Variants in OPALIN observed in about 807,000 individuals in gnomAD.
OPALIN encodes transmembrane protein 10.
In OPALIN, 15 loss-of-function variants were observed where a neutral mutation model predicts 17.8. That is an observed-to-expected ratio of 0.84 (90% confidence interval 0.56 to 1.29). The LOEUF is 1.29. Among genes scored for constraint, OPALIN ranks in the 50% most tolerant of loss-of-function variants. The pLI, the probability that OPALIN is intolerant of heterozygous loss-of-function variation, is 0.00. For missense variants in OPALIN, 170 were observed against 176.0 expected (o/e 0.97, Z 0.19); for synonymous variants, 62 against 63.8 (o/e 0.97, Z 0.14).
At chr10:96,356,435 C>T (rs1462848389) in intron 1 of OPALIN, among the ~76,000 whole-genome samples, 3 of 152,334 alleles carry the variant, frequency 2.0e-5, no homozygotes, top group South Asian at 2.1e-4. Context: ...TCTCAAAACC[C>T]TCATTTTCCA....
Position 96,348,346 on chromosome 10 carries a change from C to T in OPALIN, c.193-1G>A. 6.8e-7 allele frequency: 1 copy of T among 1,468,052 alleles called. No homozygotes were observed. The highest frequency in any genetic ancestry group is 9.5e-7 in the Non-Finnish European group (1 of 1,055,324). The allele number at this position is 1,468,052 out of a possible 1,614,324, so 90.9% of individuals were successfully genotyped here. A position where few individuals can be genotyped will look rare whatever the true frequency, so the allele number is the denominator to read the frequency against. ...AAATTTCACATGGTCTGTCACTTTC[C>T]TAAATTGGAAAAAATATAATAATAA... On this transcript the variant is annotated splice_acceptor_variant, in intron 4 of 5. Coordinates refer to ENST00000371172, the MANE Select transcript of OPALIN (RefSeq NM_033207.5). LOFTEE classifies it high-confidence loss of function.
At chr10:96,349,673 C>A in intron 4 of OPALIN, 34 bp downstream of exon 4, 1 of 1,602,034 alleles carries the variant, frequency 6.2e-7, no homozygotes, top group South Asian at 1.1e-5. Flanking sequence ...TGGTGGCTGC[C>A]TATACATCTG....
intron 2 of OPALIN, among the ~76,000 whole-genome samples, chr10:96,352,878 G>A (rs1176111528): frequency 6.6e-6 from 1 of 152,154 alleles, no homozygotes; most frequent in Non-Finnish European, 1.5e-5. Flanking sequence ...TCTGATGTTT[G>A]CTTCTCTCTT....
At position 96,345,845 on chromosome 10, in the gene OPALIN, T is replaced by G; in HGVS notation, c.*96A>C. On this transcript the variant is annotated 3_prime_UTR_variant, in exon 6 of 6. Transcript: ENST00000371172. Reference sequence around the variant, plus strand: ...AGCTGTAAATGAAATTTGGATTGATTAAGAAGCAGCTTGGCATCTTTCCTC... The same window carrying G: ...AGCTGTAAATGAAATTTGGATTGATGAAGAAGCAGCTTGGCATCTTTCCTC... The G allele has an allele frequency of 8.1e-7, 1 of 1,242,186 alleles. No homozygotes were observed. The allele number at this position is 1,242,186 out of a possible 1,614,324, so 76.9% of individuals were successfully genotyped here. A position where few individuals can be genotyped will look rare whatever the true frequency, so the allele number is the denominator to read the frequency against.
In OPALIN at chr10:96,357,044, C is replaced by G. The variant is rs1263405510; in HGVS notation, c.4-1754G>C. 5.1e-6 allele frequency: 5 copies of G among 985,410 alleles called. No individual in the cohort carries two copies. The African/African-American group carries it at 7.0e-5, about 14-fold the overall frequency. The allele number at this position is 985,410 out of a possible 1,614,324, so 61.0% of individuals were successfully genotyped here. A position where few individuals can be genotyped will look rare whatever the true frequency, so the allele number is the denominator to read the frequency against. On this transcript the variant is annotated intron_variant, in intron 1 of 5. Transcript: ENST00000371172. ...CTGCTTCTGGGATGACGGTGGAACA[C>G]AGGGACGTCTGGGCCTCTTAGGTCA...
Position 96,357,128 on chromosome 10 carries a change from G to A in OPALIN, c.3+1766C>T, listed in dbSNP as rs145145729. On this transcript the variant is annotated intron_variant, in intron 1 of 5. Transcript: ENST00000371172. ...CTTCACGCTAGCACCAGACCAACACGTGCTGCAAGGACACTGGATGGTCGC... is the reference window on the plus strand; with the variant it reads ...CTTCACGCTAGCACCAGACCAACACATGCTGCAAGGACACTGGATGGTCGC... The A allele has an allele frequency of 9.9e-4, 978 of 985,392 alleles. 6 individuals carry two copies. In the African/African-American group the frequency reaches 0.012, roughly 12 times the overall value. 61.0% of individuals were successfully genotyped at this position (985,392 alleles called of 1,614,324 possible).
In OPALIN at chr10:96,346,074, G is replaced by A. The variant is rs1159362639; in HGVS notation, c.293C>T (p.Ala98Val). Residue 98 changes from alanine to valine, a missense_variant, in exon 6 of 6, where the codon GCA (alanine) becomes GTA (valine). Transcript: ENST00000371172. ...CTTCACATATATGTGGGCCTCTTGT[G>A]CTCCCATCGTATTCTTCTCATGTGT... Reference protein sequence around the residue: ...SPTHEKNTMGAQEAHIYVKTV... With the variant: ...SPTHEKNTMGVQEAHIYVKTV... The A allele has an allele frequency of 1.5e-5, 24 of 1,613,964 alleles. No individual in the cohort carries two copies. Among genetic ancestry groups the A allele is most frequent in the Non-Finnish European group, 1.9e-5 (22 of 1,179,966 alleles).
At position 96,346,109 on chromosome 10, in the gene OPALIN, C is replaced by G; in HGVS notation, c.258G>C (p.Arg86Ser). Residue 86 changes from arginine to serine, a missense_variant, in exon 6 of 6, where the codon AGG (arginine) becomes AGC (serine). By Grantham distance (110) the Arg-to-Ser change is moderately radical. Transcript: ENST00000371172. ...DDNPKISENP[R>S]RSPTHEKNTM... ...TATTCTTCTCATGTGTGGGTGATCT[C>G]CTAGGATTCTTAAGGAAACAAATAG... 6.2e-7 allele frequency: 1 copy of G among 1,613,334 alleles called. No homozygotes were observed. Among genetic ancestry groups the G allele is most frequent in the Non-Finnish European group, 8.5e-7 (1 of 1,179,654 alleles).
Position 96,343,635 on chromosome 10 carries a change from T to C in OPALIN, c.*2306A>G, listed in dbSNP as rs1246433177. The C allele has an allele frequency of 2.0e-5, 3 of 152,234 alleles. No homozygotes were observed. The highest frequency in any genetic ancestry group is 2.9e-5 in the Non-Finnish European group (2 of 68,052). The allele number at this position is 152,234 out of a possible 1,614,324, so 9.4% of individuals were successfully genotyped here. On this transcript the variant is annotated 3_prime_UTR_variant, in exon 6 of 6. Coordinates refer to ENST00000371172, the MANE Select transcript of OPALIN (RefSeq NM_033207.5). ...GGTCCTTCATGACATGTAGGAGAAGTACAAGCACCAGGATGACTGGGAATG... is the reference window on the plus strand; with the variant it reads ...GGTCCTTCATGACATGTAGGAGAAGCACAAGCACCAGGATGACTGGGAATG...
Position 96,345,961 on chromosome 10 carries a change from G to T in OPALIN, c.406C>A (p.Pro136Thr). 6.2e-7 allele frequency: 1 copy of T among 1,614,058 alleles called. No individual in the cohort carries two copies. Reference sequence around the variant, plus strand: ...CTGCATCATTCCAGGCTCAGTCTGGGCACAAGCCACCACAATCCCCTCCTT... The same window carrying T: ...CTGCATCATTCCAGGCTCAGTCTGGTCACAAGCCACCACAATCCCCTCCTT... ...ERRRGLWWLV[P>T]RLSLE The change falls in exon 6 of 6, where the codon CCC (proline) becomes ACC (threonine). Residue 136 changes from proline (P) to threonine (T), a missense_variant. By Grantham distance (38) the Pro-to-Thr change is conservative. Coordinates refer to ENST00000371172, the MANE Select transcript of OPALIN (RefSeq NM_033207.5).
chr10:96,344,677 TA>T lies in OPALIN; in HGVS notation c.*1263del, dbSNP rs1310824079. Reference sequence around the variant, plus strand: ...CCTCAGCAAGCTGAAGCGGCAATGCTATGCGTGGGCTTAAGGGCTCTTGTTT... The same window carrying T: ...CCTCAGCAAGCTGAAGCGGCAATGCTTGCGTGGGCTTAAGGGCTCTTGTTT... On this transcript the variant is annotated 3_prime_UTR_variant, in exon 6 of 6. Coordinates refer to ENST00000371172, the MANE Select transcript of OPALIN (RefSeq NM_033207.5). 2 of 152,126 alleles carry T rather than the reference TA, an allele frequency of 1.3e-5. No homozygotes were observed. The highest frequency in any genetic ancestry group is 4.8e-5 in the African/African-American group (2 of 41,424). 9.4% of individuals were successfully genotyped at this position (152,126 alleles called of 1,614,324 possible).
In OPALIN at chr10:96,346,227, C is replaced by T. The variant is rs1845317410; in HGVS notation, c.250-110G>A. The stretch of plus-strand genomic sequence containing the variant: ...CCCACCTGAAATAACCAAAATCAGA[C>T]ACAACATTTGAAGCAATAGTTTTCA... On this transcript the variant is annotated intron_variant, in intron 5 of 5. Transcript: ENST00000371172. 3 of 886,688 alleles carry T rather than the reference C, an allele frequency of 3.4e-6. No homozygotes were observed. In the East Asian group the frequency reaches 7.3e-5, roughly 22 times the overall value. 54.9% of individuals were successfully genotyped at this position (886,688 alleles called of 1,614,324 possible).
chr10:96,348,671 G>T (rs1394169620), intron 4 of OPALIN, among the ~76,000 whole-genome samples: 2 of 152,132 alleles, frequency 1.3e-5, no homozygotes, highest in African/African-American at 4.8e-5. Context: ...TTAAAAAATT[G>T]TTTTTGTTTT....
At chr10:96,358,671 G>A (rs531292173) in intron 1 of OPALIN, among the ~76,000 whole-genome samples, 1 of 152,296 alleles carries the variant, frequency 6.6e-6, no homozygotes, top group South Asian at 2.1e-4. Flanking sequence ...CATCTACTCT[G>A]TACTCTTGTA....
At position 96,357,570 on chromosome 10, in the gene OPALIN, A is replaced by G. The variant is rs572412010; in HGVS notation, c.3+1324T>C. Among the ~76,000 whole-genome samples the G allele has an allele frequency of 1.6e-4, 25 of 152,228 alleles. No individual in the cohort carries two copies. The South Asian group carries it at 4.8e-3, about 29-fold the overall frequency. ...CCTCTGGTCTCCATTTTCTCACAAC[A>G]AATCTATTCTCCAAGGCTCAGTTTT... On this transcript the variant is annotated intron_variant, in intron 1 of 5. Coordinates refer to ENST00000371172, the MANE Select transcript of OPALIN (RefSeq NM_033207.5).
At chr10:96,352,977 C>T (rs1214759122) in intron 2 of OPALIN, among the ~76,000 whole-genome samples, 1 of 152,180 alleles carries the variant, frequency 6.6e-6, no homozygotes, top group African/African-American at 2.4e-5. Context: ...CCAGGCTGTT[C>T]AAGAATTTTT....
At chr10:96,353,546 G>A (rs1000175447) in intron 2 of OPALIN, 7 of 886,596 alleles carry the variant, frequency 7.9e-6, no homozygotes, top group Admixed American at 1.7e-5. Context: ...GGATCAAAGG[G>A]GTGAAGAGAC....
rs531353151 is a variant in OPALIN, at chr10:96,352,352, T to A, written c.40-942A>T. 7.9e-3 allele frequency among the ~76,000 whole-genome samples: 1,193 copies of A among 150,074 alleles called. 10 individuals are homozygous for A. The highest frequency in any genetic ancestry group is 0.028 in the African/African-American group (1,153 of 41,144). On this transcript the variant is annotated intron_variant, in intron 2 of 5. Coordinates refer to ENST00000371172, the MANE Select transcript of OPALIN (RefSeq NM_033207.5). Reference sequence around the variant, plus strand: ...TTAACTCCATTTTACAAAAAAAAAATGTAATAGATCTCAGAGAAGTTATGG... The same window carrying A: ...TTAACTCCATTTTACAAAAAAAAAAAGTAATAGATCTCAGAGAAGTTATGG...
chr10:96,355,883 G>A (rs1845797280), intron 1 of OPALIN, among the ~76,000 whole-genome samples: 1 of 152,180 alleles, frequency 6.6e-6, no homozygotes, highest in African/African-American at 2.4e-5. Context: ...TCACTTAGTA[G>A]ATGGTCTCAC....
Sources: gnomAD v4.1 joint callset for allele counts (sites outside exome capture counted in the v4.1 genomes callset) on GRCh38, gnomAD v4.1.1 for gene constraint, MANE v1.5 for transcripts, NCBI Gene and HGNC (gene_info 2026-07-23, HGNC 2026-07-21) for gene names.